ANGPT4: variants seen among roughly 807,000 people sequenced by gnomAD.
ANGPT4 encodes angiopoietin-4.
In ANGPT4, 50 loss-of-function variants were observed where a neutral mutation model predicts 53.0. The ratio of observed to expected loss-of-function variants is 0.94; its 90% confidence interval spans 0.75 to 1.20. The LOEUF (loss-of-function observed/expected upper bound fraction) is 1.20, where lower values mean the gene tolerates loss of function less well. ANGPT4 is among the 50% of genes most tolerant of loss of function. The probability of loss-of-function intolerance (pLI) is 0.00; values close to 1 mark genes in which losing one functional copy is unlikely to be tolerated. For missense variants in ANGPT4, 648 were observed against 637.1 expected (o/e 1.02, Z -0.18); for synonymous variants, 251 against 259.7 (o/e 0.97, Z 0.32).
rs376950829 is a variant in ANGPT4 at position 911,180 on chromosome 20, C to T, written c.309+4726G>A. Reference sequence around the variant, plus strand: ...TGGGCAAGGACCCCACCCTGGGTTCCTCCTTGGTGCTCTCTTGACCCACAC... The same window carrying T: ...TGGGCAAGGACCCCACCCTGGGTTCTTCCTTGGTGCTCTCTTGACCCACAC... On this transcript the variant is annotated intron_variant, in intron 1 of 8. Transcript: ENST00000381922. This position sits in a 1 kb window ranked among gnomAD's most constrained non-coding sequence, Gnocchi z 4.9. Among the ~76,000 whole-genome samples, 9 of 152,146 alleles carry T rather than the reference C, an allele frequency of 5.9e-5. No individual in the cohort carries two copies. In the East Asian group the frequency reaches 1.4e-3, roughly 23 times the overall value.
At chr20:906,416 C>T (rs565271191) in intron 1 of ANGPT4, among the ~76,000 whole-genome samples, 22 of 152,280 alleles carry the variant, frequency 1.4e-4, no homozygotes, top group African/African-American at 4.3e-4. Flanking sequence ...AACCCCAAGT[C>T]GGAACTACCT....
intron 1 of ANGPT4, among the ~76,000 whole-genome samples, chr20:902,018 G>C (rs1437870133): frequency 6.6e-6 from 1 of 152,166 alleles, no homozygotes. Flanking sequence ...CCAAGAGGCA[G>C]AACACTATAT....
chr20:880,803 C>T (rs181943860), intron 5 of ANGPT4, among the ~76,000 whole-genome samples: 79 of 152,306 alleles, frequency 5.2e-4, no homozygotes, highest in African/African-American at 1.8e-3. Context: ...GGAGCAGAAC[C>T]CCAACTCCTG....
chr20:880,587 C>CAA (rs111674845), intron 5 of ANGPT4, among the ~76,000 whole-genome samples: 50 of 143,760 alleles, frequency 3.5e-4, no homozygotes, highest in African/African-American at 8.1e-4. Context: ...GACCCTGTCT[C>CAA]AAAAAAAAAA....
At position 872,887 on chromosome 20, in the gene ANGPT4, C is replaced by A; in HGVS notation, c.*73G>T. On this transcript the variant is annotated 3_prime_UTR_variant, in exon 9 of 9. Transcript: ENST00000381922. ...AAGGCGGTGGCACAGTGTCTTGCAT[C>A]TGGGTCCAGGTTGTCCAGGAGTGCC... is the stretch of plus-strand genomic sequence containing the variant. The A allele has an allele frequency of 6.3e-7, 1 of 1,577,458 alleles. No individual in the cohort carries two copies. The highest frequency in any genetic ancestry group is 2.2e-5 in the East Asian group (1 of 44,522).
At chr20:878,964 G>T (rs1981281339) in intron 6 of ANGPT4, among the ~76,000 whole-genome samples, 1 of 152,118 alleles carries the variant, frequency 6.6e-6, no homozygotes, top group Admixed American at 6.5e-5. Context: ...CCCAAGGCCC[G>T]CTCCCCAATT....
chr20:886,543 G>C (rs73582833), intron 3 of ANGPT4, among the ~76,000 whole-genome samples: 6,592 of 152,246 alleles, frequency 0.043, 164 homozygotes, highest in Middle Eastern at 0.058. Context: ...TAAAGCCATC[G>C]TAAGTTGAAA....
chr20:887,868 A>G (rs1040336640), intron 3 of ANGPT4, among the ~76,000 whole-genome samples: 3 of 150,918 alleles, frequency 2.0e-5, no homozygotes, highest in African/African-American at 7.3e-5. Flanking sequence ...GTTAAAATTT[A>G]CGAGATAAAT....
intron 1 of ANGPT4, among the ~76,000 whole-genome samples, chr20:915,385 G>T (rs1179345939): frequency 2.0e-5 from 3 of 152,128 alleles, no homozygotes; most frequent in Non-Finnish European, 2.9e-5. Flanking sequence ...AATACATGCA[G>T]CTCCCTTTGC....
rs542180634 is a variant in ANGPT4 at position 894,228 on chromosome 20, C to G, written c.310-3860G>C. ...GGTTGGGTGTGAGCTAAGTTGCAAGCCCCGTGTTTAAAGGTGGATGCGGTC... is the reference window on the plus strand; with the variant it reads ...GGTTGGGTGTGAGCTAAGTTGCAAGGCCCGTGTTTAAAGGTGGATGCGGTC... On this transcript the variant is annotated intron_variant, in intron 1 of 8. Coordinates refer to ENST00000381922, the MANE Select transcript of ANGPT4 (RefSeq NM_015985.4). Among the ~76,000 whole-genome samples, 270 of 152,254 alleles carry G rather than the reference C, an allele frequency of 1.8e-3. 1 individual carries two copies. The highest frequency in any genetic ancestry group is 6.0e-3 in the African/African-American group (248 of 41,544).
At chr20:880,700 GGAT>G (rs1474041688) in intron 5 of ANGPT4, among the ~76,000 whole-genome samples, 2 of 152,074 alleles carry the variant, frequency 1.3e-5, no homozygotes, top group Non-Finnish European at 2.9e-5. Flanking sequence ...CCTTCTTATC[GGAT>G]GACTTGACCT....
chr20:885,389 C>T, intron 3 of ANGPT4, 64 bp from the exon 4 acceptor site: 1 of 1,446,904 alleles, frequency 6.9e-7, no homozygotes, highest in Non-Finnish European at 9.1e-7. Context: ...CCCCCGCGCG[C>T]CTCCCCGGCC....
At chr20:888,911 C>T (rs1981725025) in intron 2 of ANGPT4, among the ~76,000 whole-genome samples, 1 of 152,202 alleles carries the variant, frequency 6.6e-6, no homozygotes, top group Admixed American at 6.5e-5. Flanking sequence ...CGGAAATGCC[C>T]CAGTTCTCAC....
At chr20:879,538 C>CT (rs141810723) in intron 6 of ANGPT4, among the ~76,000 whole-genome samples, 3,086 of 152,136 alleles carry the variant, frequency 0.02, 167 homozygotes, top group Admixed American at 0.12. Flanking sequence ...TAAAGCTAAA[C>CT]TTTTTTTCTT....
intron 7 of ANGPT4, among the ~76,000 whole-genome samples, chr20:874,660 G>C (rs148453909): frequency 6.6e-6 from 1 of 152,224 alleles, no homozygotes; most frequent in East Asian, 1.9e-4. Flanking sequence ...CACTGAACCT[G>C]AGTCTTGGAG....
At chr20:880,230 G>C (rs1199528777) in intron 5 of ANGPT4, among the ~76,000 whole-genome samples, 1 of 152,150 alleles carries the variant, frequency 6.6e-6, no homozygotes, top group Non-Finnish European at 1.5e-5. Context: ...TGAAAGGAGA[G>C]GTTAGCAGGT....
intron 1 of ANGPT4, among the ~76,000 whole-genome samples, chr20:896,283 C>T (rs1471061525): frequency 2.6e-5 from 4 of 152,116 alleles, no homozygotes; most frequent in Non-Finnish European, 4.4e-5. Flanking sequence ...CAGGGCACTT[C>T]TACTAAATAT....
Position 914,624 on chromosome 20 carries a change from T to A in ANGPT4, c.309+1282A>T, listed in dbSNP as rs927837576. Among the ~76,000 whole-genome samples, 1 of 152,092 alleles carries A rather than the reference T, an allele frequency of 6.6e-6. No homozygotes were observed. Among genetic ancestry groups the A allele is most frequent in the Non-Finnish European group, 1.5e-5 (1 of 68,008 alleles). On this transcript the variant is annotated intron_variant, in intron 1 of 8. Transcript: ENST00000381922. The surrounding 1 kb of genome is among the most constrained non-coding windows in gnomAD (Gnocchi z 5.0). ...GTGGTTGTCAAGCTTGTCTGCTGTT[T>A]AATACCTTCTAAAACTCCAGGAATT...
chr20:915,401 G>A (rs1219436311), intron 1 of ANGPT4, among the ~76,000 whole-genome samples: 3 of 152,122 alleles, frequency 2.0e-5, no homozygotes, highest in Non-Finnish European at 2.9e-5. Context: ...TTTGCAGAAC[G>A]TTCCCTCAAA....
Sources: gnomAD v4.1 joint callset for allele counts (sites outside exome capture counted in the v4.1 genomes callset) on GRCh38, gnomAD v4.1.1 for gene constraint, Gnocchi (gnomAD v3.1) non-coding constraint, MANE v1.5 for transcripts, NCBI Gene and HGNC (gene_info 2026-07-23, HGNC 2026-07-21) for gene names.